The following ATP8B4 variants were observed in gnomAD, a reference collection of about 807,000 sequenced individuals.
ATP8B4 encodes ATPase phospholipid transporting 8B4 (putative).
In ATP8B4, 133 loss-of-function variants were observed where a neutral mutation model predicts 145.6. That is an observed-to-expected ratio of 0.91 (90% CI 0.79 to 1.05). ATP8B4 has a LOEUF of 1.05. ATP8B4 is among the 50% of genes least tolerant of loss of function. The pLI is 0.00. For synonymous variants in ATP8B4, 507 were observed against 492.9 expected (o/e 1.03, Z -0.38); for missense variants, 1,458 against 1,425.2 (o/e 1.02, Z -0.37).
At chr15:49,987,804 G>T (rs1028527372) in intron 9 of ATP8B4, among the ~76,000 whole-genome samples, 1 of 142,072 alleles carries the variant, frequency 7.0e-6, no homozygotes, top group East Asian at 2.0e-4. Context: ...ACAGCCATGG[G>T]ATATTTTTTC....
chr15:50,046,460 G>A (rs1359296481), intron 4 of ATP8B4, among the ~76,000 whole-genome samples: 1 of 152,166 alleles, frequency 6.6e-6, no homozygotes, highest in Admixed American at 6.5e-5. Flanking sequence ...ATGAAATTGT[G>A]CCCATGAATC....
intron 3 of ATP8B4, among the ~76,000 whole-genome samples, chr15:50,065,399 T>G (rs2053311946): frequency 6.6e-6 from 1 of 152,134 alleles, no homozygotes. Context: ...AACAATAAGA[T>G]TCCCAGAACC....
intron 20 of ATP8B4, among the ~76,000 whole-genome samples, chr15:49,915,000 C>G (rs1177772264): frequency 6.6e-6 from 1 of 152,096 alleles, no homozygotes. Flanking sequence ...AAAGGGATAT[C>G]TGCACCCCAT....
chr15:49,994,381 C>CCCTG (rs1229365664), intron 9 of ATP8B4, among the ~76,000 whole-genome samples: 3 of 152,002 alleles, frequency 2.0e-5, no homozygotes, highest in Non-Finnish European at 2.9e-5. Flanking sequence ...TCTTTTTGGG[C>CCCTG]CCTGACGCTA....
At position 50,118,131 on chromosome 15, in the gene ATP8B4, T is replaced by G. The variant is rs373080409; in HGVS notation, c.-43+992A>C. On this transcript the variant is annotated intron_variant, in intron 1 of 27. Transcript: ENST00000284509. ...TAGATAATGATAATTTATTTTTTAT[T>G]TATAATAAACGATATAGATATAAAC... is the stretch of plus-strand genomic sequence containing the variant. Among the ~76,000 whole-genome samples the G allele has an allele frequency of 2.8e-4, 43 of 152,216 alleles. 2 individuals are homozygous for G. In the East Asian group the frequency reaches 6.2e-3, roughly 22 times the overall value.
chr15:50,042,218 G>C (rs1045971260), intron 5 of ATP8B4, among the ~76,000 whole-genome samples: 6 of 151,584 alleles, frequency 4.0e-5, no homozygotes, highest in Admixed American at 3.9e-4. Flanking sequence ...CATGAAATAG[G>C]CTAGAAATTT....
chr15:50,095,468 T>C lies in ATP8B4; in HGVS notation c.28+11471A>G, dbSNP rs538890515. On this transcript the variant is annotated intron_variant, in intron 2 of 27. Transcript: ENST00000284509. ...CGGTTGAATTTACTGTCAAAACAGA[T>C]AATGAGGTTGAACGCAGTGGCTCAC... is the stretch of plus-strand genomic sequence containing the variant. Among the ~76,000 whole-genome samples, 25 of 152,162 alleles carry C rather than the reference T, an allele frequency of 1.6e-4. 1 individual carries two copies. The highest frequency in any genetic ancestry group is 1.3e-3 in the Admixed American group (20 of 15,274).
At chr15:49,998,104 T>A (rs2047575717) in intron 8 of ATP8B4, among the ~76,000 whole-genome samples, 1 of 152,208 alleles carries the variant, frequency 6.6e-6, no homozygotes, top group Non-Finnish European at 1.5e-5. Flanking sequence ...ATGTAATTTA[T>A]CAAAGTTTAT....
At chr15:49,948,156 G>A (rs2042738615) in intron 14 of ATP8B4, among the ~76,000 whole-genome samples, 2 of 152,010 alleles carry the variant, frequency 1.3e-5, no homozygotes, top group Non-Finnish European at 2.9e-5. Context: ...TCTCTGCTCA[G>A]GACTGGGCGC....
chr15:49,861,718 C>T (rs1598753179), intron 27 of ATP8B4, among the ~76,000 whole-genome samples: 2 of 152,270 alleles, frequency 1.3e-5, no homozygotes, highest in African/African-American at 2.4e-5. Flanking sequence ...ATAACCTGTT[C>T]TTCCTATTTT....
At chr15:49,980,537 A>G (rs2153533861) in intron 11 of ATP8B4, among the ~76,000 whole-genome samples, 1 of 152,302 alleles carries the variant, frequency 6.6e-6, no homozygotes. Flanking sequence ...TTTTTGGTAA[A>G]CGAGTAGTAG....
At chr15:50,173,161 C>T (rs186449655) in intron 1 of ATP8B4, among the ~76,000 whole-genome samples, 9,148 of 146,852 alleles carry the variant, frequency 0.062, 380 homozygotes, top group Middle Eastern at 0.11. Flanking sequence ...AGTGAGGAGC[C>T]CCTCTGCCCG....
At chr15:50,089,018 G>A (rs944044785) in intron 2 of ATP8B4, among the ~76,000 whole-genome samples, 2 of 152,142 alleles carry the variant, frequency 1.3e-5, no homozygotes, top group Admixed American at 6.6e-5. Context: ...ACAAAAACAA[G>A]CAATGGGGAA....
At chr15:49,964,654 A>T (rs2044368517) in intron 13 of ATP8B4, among the ~76,000 whole-genome samples, 1 of 152,216 alleles carries the variant, frequency 6.6e-6, no homozygotes, top group Admixed American at 6.5e-5. Context: ...GTCTAAAGGG[A>T]TTACTTAAAC....
chr15:50,027,583 C>T (rs1057378434), intron 6 of ATP8B4, among the ~76,000 whole-genome samples: 1 of 152,200 alleles, frequency 6.6e-6, no homozygotes, highest in Non-Finnish European at 1.5e-5. Context: ...GTGCTCTCCT[C>T]CATGAAGCCC....
chr15:50,134,569 G>GATAGACT (rs1467431105), intron 1 of ATP8B4, among the ~76,000 whole-genome samples: 1 of 152,200 alleles, frequency 6.6e-6, no homozygotes, highest in Non-Finnish European at 1.5e-5. Context: ...GGCAAGTGGA[G>GATAGACT]TGCATAGGAG....
chr15:50,101,555 T>C (rs769623482), intron 2 of ATP8B4, among the ~76,000 whole-genome samples: 1 of 152,104 alleles, frequency 6.6e-6, no homozygotes, highest in African/African-American at 2.4e-5. Context: ...ATGTTAAATA[T>C]ATATGCACCT....
intron 14 of ATP8B4, among the ~76,000 whole-genome samples, chr15:49,957,052 C>CAA (rs879745061): frequency 6.9e-6 from 1 of 145,796 alleles, no homozygotes. Flanking sequence ...GAAAAGATTG[C>CAA]AAAAAAAAAA....
At chr15:50,034,228 G>GC (rs2050660286) in intron 6 of ATP8B4, among the ~76,000 whole-genome samples, 1 of 123,740 alleles carries the variant, frequency 8.1e-6, no homozygotes, top group African/African-American at 3.0e-5. Context: ...TCCTTTCCTT[G>GC]TTTTTTTTTT....
Sources: allele counts gnomAD v4.1 joint callset (sites outside exome capture counted in the v4.1 genomes callset), GRCh38; gene constraint gnomAD v4.1.1; transcripts MANE v1.5; gene names NCBI Gene and HGNC (gene_info 2026-07-23, HGNC 2026-07-21).